SLC9A9: variants seen among roughly 807,000 people sequenced by gnomAD.
The protein encoded by SLC9A9 is sodium/hydrogen exchanger 9.
Under a neutral mutation model 77.8 loss-of-function variants are expected in SLC9A9, and 62 were observed. The observed-to-expected ratio is 0.80, with a 90% CI of 0.65 to 0.98. The LOEUF is 0.98. Among genes scored for constraint, SLC9A9 ranks in the 50% least tolerant of loss-of-function variants. SLC9A9 has a pLI of 0.00. For synonymous variants in SLC9A9, 320 were observed against 283.5 expected (o/e 1.13, Z -1.29); for missense variants, 775 against 774.9 (o/e 1.00, Z 0.00).
intron 13 of SLC9A9, among the ~76,000 whole-genome samples, chr3:143,370,545 A>G (rs1359719480): frequency 1.4e-5 from 2 of 146,582 alleles, no homozygotes; most frequent in Non-Finnish European, 3.0e-5. Flanking sequence ...ATATACATGT[A>G]CACAAGTATA....
rs180680277 is a variant in SLC9A9 at position 143,396,073 on chromosome 3, A to G, written c.1470-13959T>C. ...TCAGGGATCTAGAACTAGAAATACCATTTGACCCAGCAATCCCATTACTGG... is the reference window on the plus strand; with the variant it reads ...TCAGGGATCTAGAACTAGAAATACCGTTTGACCCAGCAATCCCATTACTGG... On this transcript the variant is annotated intron_variant, in intron 12 of 15. Coordinates refer to ENST00000316549, the MANE Select transcript of SLC9A9 (RefSeq NM_173653.4). 1.9e-3 allele frequency among the ~76,000 whole-genome samples: 287 copies of G among 152,322 alleles called. 1 individual carries two copies. Among genetic ancestry groups the G allele is most frequent in the Non-Finnish European group, 2.9e-3 (195 of 68,030 alleles).
intron 11 of SLC9A9, among the ~76,000 whole-genome samples, chr3:143,469,770 C>G (rs1024196195): frequency 6.6e-6 from 1 of 152,138 alleles, no homozygotes; most frequent in Non-Finnish European, 1.5e-5. Context: ...TTATAAAATA[C>G]CTTCAAGGAA....
chr3:143,625,421 A>G (rs2038304307), intron 6 of SLC9A9, among the ~76,000 whole-genome samples: 1 of 152,230 alleles, frequency 6.6e-6, no homozygotes, highest in Non-Finnish European at 1.5e-5. Flanking sequence ...ACAGAGATAT[A>G]GACCAATGGA....
At chr3:143,746,612 T>C (rs1190188529) in intron 4 of SLC9A9, among the ~76,000 whole-genome samples, 1 of 152,182 alleles carries the variant, frequency 6.6e-6, no homozygotes, top group Non-Finnish European at 1.5e-5. Context: ...AAGACTTCTA[T>C]CTCACATCCT....
intron 14 of SLC9A9, among the ~76,000 whole-genome samples, chr3:143,346,553 G>A (rs1438486963): frequency 1.3e-5 from 2 of 152,160 alleles, no homozygotes; most frequent in Non-Finnish European, 2.9e-5. Flanking sequence ...TTGGGAGGCT[G>A]AGTCGGGGGG....
intron 12 of SLC9A9, among the ~76,000 whole-genome samples, chr3:143,436,081 C>T (rs2034616850): frequency 1.3e-5 from 2 of 152,310 alleles, no homozygotes; most frequent in South Asian, 4.1e-4. Flanking sequence ...TTCCTTCTGC[C>T]CTTCTGCTCT....
chr3:143,832,226 A>G lies in SLC9A9; in HGVS notation c.176-5T>C, dbSNP rs1242145218. 2 of 1,608,714 alleles carry G rather than the reference A, an allele frequency of 1.2e-6. No homozygotes were observed. Among genetic ancestry groups the G allele is most frequent in the South Asian group, 1.1e-5 (1 of 90,852 alleles). On this transcript the variant is annotated splice_region_variant and splice_polypyrimidine_tract_variant and intron_variant, in intron 1 of 15. Transcript: ENST00000316549. ...AAATTAGTCCCATTATAAGGCCTAAAAAAAAAAGAATAAATAATGGTACTG... is the reference window on the plus strand; with the variant it reads ...AAATTAGTCCCATTATAAGGCCTAAGAAAAAAAGAATAAATAATGGTACTG...
chr3:143,318,048 C>T (rs577428732), intron 14 of SLC9A9, among the ~76,000 whole-genome samples: 25 of 152,280 alleles, frequency 1.6e-4, no homozygotes, highest in African/African-American at 5.5e-4. Flanking sequence ...CTTCTCTCCC[C>T]ATCCCAATCT....
rs112095844 is a variant in SLC9A9, at chr3:143,517,473, G to A, written c.1090-22025C>T. On this transcript the variant is annotated intron_variant, in intron 9 of 15. Transcript: ENST00000316549. The stretch of plus-strand genomic sequence containing the variant: ...TGCTCCTCTTGAGCCTTCTTAACTC[G>A]TTCTGTTCTTTCTTTGATCTCTCGC... The A allele has an allele frequency of 5.7e-4, 918 of 1,597,744 alleles. 6 individuals carry two copies. In the African/African-American group the frequency reaches 0.01, roughly 18 times the overall value.
At position 143,266,765 on chromosome 3, in the gene SLC9A9, G is replaced by T. The variant is rs867452675; in HGVS notation, c.1875C>A (p.Asp625Glu). 1.2e-6 allele frequency: 2 copies of T among 1,614,158 alleles called. No homozygotes were observed. The highest frequency in any genetic ancestry group is 1.7e-6 in the Non-Finnish European group (2 of 1,180,028). ...TPGKENIYEG[D>E]LGLGGYELKL... is the part of the protein sequence containing the mutation. ...TGAGTTCATAGCCTCCCAGGCCGAG[G>T]TCTCCCTCATAAATGTTTTCCTTGC... Residue 625 changes from aspartate (D) to glutamate (E), a missense_variant, in exon 16 of 16, where the codon GAC becomes GAA. Asp to Glu is a conservative substitution (Grantham distance 45). Coordinates refer to ENST00000316549, the MANE Select transcript of SLC9A9 (RefSeq NM_173653.4).
At chr3:143,762,208 G>T (rs1560067901) in intron 4 of SLC9A9, among the ~76,000 whole-genome samples, 1 of 152,108 alleles carries the variant, frequency 6.6e-6, no homozygotes. Flanking sequence ...GGGGGAGGGG[G>T]AAGGGATAGC....
At position 143,518,913 on chromosome 3, in the gene SLC9A9, T is replaced by C. The variant is rs148102717; in HGVS notation, c.1090-23465A>G. On this transcript the variant is annotated intron_variant, in intron 9 of 15. Transcript: ENST00000316549. ...TTAACTAGATGGTATTTACTAGGGG[T>C]GGAATTCCTGTGTCACAACAACATT... Among the ~76,000 whole-genome samples, 1,068 of 152,322 alleles carry C rather than the reference T, an allele frequency of 7.0e-3. 6 individuals carry two copies. The highest frequency in any genetic ancestry group is 0.011 in the Non-Finnish European group (766 of 68,028).
intron 7 of SLC9A9, among the ~76,000 whole-genome samples, chr3:143,574,751 C>A (rs1323101813): frequency 6.6e-6 from 1 of 152,056 alleles, no homozygotes; most frequent in Non-Finnish European, 1.5e-5. Context: ...TTTATAGGTT[C>A]CATTATTAAT....
At chr3:143,532,837 C>A (rs2036533022) in intron 9 of SLC9A9, among the ~76,000 whole-genome samples, 1 of 152,188 alleles carries the variant, frequency 6.6e-6, no homozygotes, top group African/African-American at 2.4e-5. Flanking sequence ...CCCAGGATCT[C>A]CCCTGTGATG....
intron 12 of SLC9A9, among the ~76,000 whole-genome samples, chr3:143,419,431 A>T (rs2034257238): frequency 6.6e-6 from 1 of 152,230 alleles, no homozygotes; most frequent in African/African-American, 2.4e-5. Flanking sequence ...CACTCTTGAA[A>T]ATAAGGTAAA....
chr3:143,642,119 A>G (rs955047446), intron 6 of SLC9A9, among the ~76,000 whole-genome samples: 1 of 152,204 alleles, frequency 6.6e-6, no homozygotes, highest in East Asian at 1.9e-4. Context: ...TTCTTAAATG[A>G]CATTTTAGTT....
chr3:143,773,908 A>T (rs1298197231), intron 4 of SLC9A9, among the ~76,000 whole-genome samples: 1 of 152,216 alleles, frequency 6.6e-6, no homozygotes, highest in African/African-American at 2.4e-5. Context: ...TGTCTCTAGC[A>T]TGGTGATTGC....
At chr3:143,672,838 T>C (rs137929423) in intron 5 of SLC9A9, among the ~76,000 whole-genome samples, 2,015 of 152,332 alleles carry the variant, frequency 0.013, 37 homozygotes, top group African/African-American at 0.046. Flanking sequence ...CTTTAAAAAA[T>C]ATGCTGTGCT....
intron 12 of SLC9A9, among the ~76,000 whole-genome samples, chr3:143,443,572 A>G (rs1487345995): frequency 6.6e-6 from 1 of 152,140 alleles, no homozygotes; most frequent in Non-Finnish European, 1.5e-5. Flanking sequence ...GAGCATTTTT[A>G]ATTTGCCTGG....
Sources: allele counts gnomAD v4.1 joint callset (sites outside exome capture counted in the v4.1 genomes callset), GRCh38; gene constraint gnomAD v4.1.1; transcripts MANE v1.5; gene names NCBI Gene and HGNC (gene_info 2026-07-23, HGNC 2026-07-21).